Variants in TIAM2 observed in about 807,000 individuals in gnomAD.
TIAM2 encodes rho guanine nucleotide exchange factor TIAM2.
A neutral mutation model predicts 152.9 loss-of-function variants in TIAM2; 80 were observed. The observed-to-expected ratio is 0.52, with a 90% confidence interval of 0.44 to 0.63. TIAM2 has a LOEUF of 0.63. TIAM2 is among the 30% of genes least tolerant of loss of function. TIAM2 has a pLI of 0.00. For missense variants in TIAM2, 1,965 were observed against 2,120.1 expected (o/e 0.93, Z 1.44); for synonymous variants, 804 against 838.0 (o/e 0.96, Z 0.70).
At chr6:155,104,149 C>A (rs1260610312) in intron 2 of TIAM2, among the ~76,000 whole-genome samples, 1 of 148,856 alleles carries the variant, frequency 6.7e-6, no homozygotes, top group Non-Finnish European at 1.5e-5. Context: ...TGACTTCAGT[C>A]CCGGGGCTTG....
chr6:155,093,265 C>T (rs1778342788), intron 2 of TIAM2, among the ~76,000 whole-genome samples: 1 of 152,206 alleles, frequency 6.6e-6, no homozygotes, highest in Admixed American at 6.5e-5. Flanking sequence ...TGTCACACTC[C>T]TGGCATGGTG....
intron 1 of TIAM2, among the ~76,000 whole-genome samples, chr6:155,014,275 C>A (rs189376675): frequency 1.3e-5 from 2 of 152,210 alleles, no homozygotes; most frequent in African/African-American, 4.8e-5. Flanking sequence ...AGGTCATTGA[C>A]CTTATTCTTA....
rs144021813 is a variant in TIAM2 at position 155,041,762 on chromosome 6, T to C, written c.-209+46270T>C. Among the ~76,000 whole-genome samples, 8 of 152,334 alleles carry C rather than the reference T, an allele frequency of 5.3e-5. No individual in the cohort carries two copies. In the East Asian group the frequency reaches 1.4e-3, roughly 26 times the overall value. On this transcript the variant is annotated intron_variant, in intron 1 of 26. Transcript: ENST00000682666. ...ATGAAAAATAAGATTTGTTTTACAG[T>C]GAGCTCCGTAGGTTTTCTCTCTTCA...
chr6:155,012,532 A>T (rs1193515956), intron 1 of TIAM2, among the ~76,000 whole-genome samples: 1 of 152,088 alleles, frequency 6.6e-6, no homozygotes, highest in Non-Finnish European at 1.5e-5. Context: ...TTCTGATGCT[A>T]TTTTATTTTT....
At chr6:155,255,172 C>A (rs1009989607) in intron 26 of TIAM2, 1 of 152,472 alleles carries the variant, frequency 6.6e-6, no homozygotes, top group African/African-American at 2.4e-5. Flanking sequence ...ACACTGAAGG[C>A]AGGCTAGGCT....
At chr6:155,142,680 C>T (rs1323999948) in intron 5 of TIAM2, among the ~76,000 whole-genome samples, 2 of 152,218 alleles carry the variant, frequency 1.3e-5, no homozygotes, top group African/African-American at 4.8e-5. Flanking sequence ...CTGGCCAGGC[C>T]TGCAAGAAGC....
chr6:155,243,846 CAAAAAAAAAAAAAAAA>C (rs59365890), intron 16 of TIAM2, among the ~76,000 whole-genome samples, 149 bp from the exon 17 acceptor site: 8 of 55,024 alleles, frequency 1.5e-4, no homozygotes, highest in Admixed American at 3.1e-4. Flanking sequence ...GACTCCGTCT[CAAAAAAAAAAAAAAAA>C]AAAAAAAAAA....
intron 1 of TIAM2, among the ~76,000 whole-genome samples, chr6:155,050,389 G>C (rs1777290253): frequency 6.6e-6 from 1 of 152,120 alleles, no homozygotes; most frequent in Non-Finnish European, 1.5e-5. Context: ...TTTGAGGGAA[G>C]GTCTTGTGAA....
chr6:155,254,321 T>G (rs1583294357), intron 25 of TIAM2, 98 bp from the exon 26 acceptor site: 1 of 1,492,694 alleles, frequency 6.7e-7, no homozygotes, highest in Admixed American at 1.9e-5. Flanking sequence ...GGCAGCCTGG[T>G]CCAGCAGGTG....
At chr6:155,139,765 C>T (rs1389404820) in intron 5 of TIAM2, among the ~76,000 whole-genome samples, 5 of 152,036 alleles carry the variant, frequency 3.3e-5, no homozygotes, top group Admixed American at 1.3e-4. Flanking sequence ...CATGGTGAAA[C>T]CCCATCTCTA....
intron 1 of TIAM2, among the ~76,000 whole-genome samples, chr6:155,057,571 G>A (rs565628652): frequency 6.2e-5 from 7 of 112,724 alleles, no homozygotes; most frequent in African/African-American, 2.5e-4. Flanking sequence ...TTTTGAGACA[G>A]AGGCTCGCGC....
At chr6:155,244,167 T>C (rs1783196008) in intron 17 of TIAM2, 88 bp downstream of exon 17, 1 of 1,268,526 alleles carries the variant, frequency 7.9e-7, no homozygotes, top group South Asian at 1.2e-5. Flanking sequence ...AGTATCTCTG[T>C]TGATCCCAAA....
chr6:155,054,654 C>G (rs1052134090), intron 1 of TIAM2, among the ~76,000 whole-genome samples: 3 of 151,974 alleles, frequency 2.0e-5, no homozygotes, highest in Non-Finnish European at 4.4e-5. Context: ...GATCTTGGCT[C>G]ACTGCAACCT....
At chr6:155,220,407 G>A (rs1375591947) in intron 15 of TIAM2, among the ~76,000 whole-genome samples, 1 of 152,296 alleles carries the variant, frequency 6.6e-6, no homozygotes, top group Non-Finnish European at 1.5e-5. Context: ...TGAGCCTGGC[G>A]AGGCTGGTCT....
chr6:155,131,243 C>T (rs958087954), intron 4 of TIAM2, among the ~76,000 whole-genome samples: 10 of 151,898 alleles, frequency 6.6e-5, no homozygotes, highest in East Asian at 1.9e-4. Flanking sequence ...GCCTGTAATC[C>T]GAGCTACTCA....
intron 14 of TIAM2, among the ~76,000 whole-genome samples, chr6:155,206,680 G>A (rs1028714777): frequency 6.6e-6 from 1 of 152,176 alleles, no homozygotes; most frequent in Non-Finnish European, 1.5e-5. Flanking sequence ...CCAAATTGAG[G>A]GGACCAGACT....
Position 155,190,456 on chromosome 6 carries a change from G to A in TIAM2, c.3064+6956G>A, listed in dbSNP as rs550636697. Among the ~76,000 whole-genome samples, 609 of 152,342 alleles carry A rather than the reference G, an allele frequency of 4.0e-3. 3 individuals are homozygous for A. The highest frequency in any genetic ancestry group is 0.014 in the African/African-American group (571 of 41,582). ...GGTCCCCTTTAGGGGTGAGGTAGATGGATTAACATCCTGCTGGCCTGTGAC... is the reference window on the plus strand; with the variant it reads ...GGTCCCCTTTAGGGGTGAGGTAGATAGATTAACATCCTGCTGGCCTGTGAC... On this transcript the variant is annotated intron_variant, in intron 14 of 26. Transcript: ENST00000682666.
chr6:155,045,171 A>G (rs1164195532), intron 1 of TIAM2, among the ~76,000 whole-genome samples: 1 of 150,724 alleles, frequency 6.6e-6, no homozygotes, highest in Non-Finnish European at 1.5e-5. Flanking sequence ...TGTTCACACG[A>G]TTCTCCTGCC....
At chr6:155,194,982 T>C (rs1203501775) in intron 14 of TIAM2, among the ~76,000 whole-genome samples, 5 of 152,176 alleles carry the variant, frequency 3.3e-5, no homozygotes, top group Non-Finnish European at 7.4e-5. Flanking sequence ...AAAGACATGT[T>C]TGCGTCCCCT....
Sources: gnomAD v4.1 joint callset for allele counts (sites outside exome capture counted in the v4.1 genomes callset) on GRCh38, gnomAD v4.1.1 for gene constraint, MANE v1.5 for transcripts, NCBI Gene and HGNC (gene_info 2026-07-23, HGNC 2026-07-21) for gene names.